ANKS1B: variants seen among roughly 807,000 people sequenced by gnomAD.
ANKS1B encodes ankyrin repeat and sterile alpha motif domain-containing protein 1B.
In ANKS1B, 36 loss-of-function variants were observed where a neutral mutation model predicts 148.3. The ratio of observed to expected loss-of-function variants is 0.24; its 90% confidence interval spans 0.19 to 0.32. ANKS1B has a LOEUF of 0.32. ANKS1B is among the 10% of genes least tolerant of loss of function. ANKS1B has a pLI of 1.00. For missense variants in ANKS1B, 1,157 were observed against 1,542.6 expected (o/e 0.75, Z 4.19); for synonymous variants, 542 against 560.8 (o/e 0.97, Z 0.47).
At chr12:99,565,483 CA>C (rs2097380443) in intron 9 of ANKS1B, among the ~76,000 whole-genome samples, 1 of 152,134 alleles carries the variant, frequency 6.6e-6, no homozygotes. Flanking sequence ...AAAGGAGTCA[CA>C]GGGGTCACTG....
At chr12:98,760,079 A>T (rs1319260949) in intron 25 of ANKS1B, among the ~76,000 whole-genome samples, 16 of 152,270 alleles carry the variant, frequency 1.1e-4, no homozygotes, top group Admixed American at 1.0e-3. Flanking sequence ...ATATATGCAT[A>T]GAAAATAGCA....
At chr12:99,591,845 C>T (rs1176630983) in intron 9 of ANKS1B, among the ~76,000 whole-genome samples, 4 of 152,072 alleles carry the variant, frequency 2.6e-5, no homozygotes, top group East Asian at 3.9e-4. Flanking sequence ...GAGTCTTGCC[C>T]CTCTACATAA....
intron 17 of ANKS1B, among the ~76,000 whole-genome samples, chr12:98,948,819 C>T (rs2099849417): frequency 6.6e-6 from 1 of 150,502 alleles, no homozygotes; most frequent in African/African-American, 2.5e-5. Flanking sequence ...AAGCAACAGG[C>T]TCAAGAGCAC....
chr12:99,703,064 C>G (rs1457527480), intron 8 of ANKS1B, among the ~76,000 whole-genome samples: 1 of 152,042 alleles, frequency 6.6e-6, no homozygotes, highest in Non-Finnish European at 1.5e-5. Flanking sequence ...TGTTTCTCCA[C>G]AAGGCAAGAA....
At chr12:99,330,135 A>G (rs977836462) in intron 12 of ANKS1B, among the ~76,000 whole-genome samples, 1 of 151,996 alleles carries the variant, frequency 6.6e-6, no homozygotes, top group Non-Finnish European at 1.5e-5. Context: ...TAAGAGAATT[A>G]AAAGTAATTA....
At chr12:99,351,961 T>C (rs2091469324) in intron 12 of ANKS1B, 1 of 152,064 alleles carries the variant, frequency 6.6e-6, no homozygotes, top group Admixed American at 6.6e-5. Flanking sequence ...TTATTGAACA[T>C]AGGAGAAAGC....
chr12:99,778,026 G>A (rs1358257076), intron 6 of ANKS1B, among the ~76,000 whole-genome samples: 4 of 151,686 alleles, frequency 2.6e-5, no homozygotes, highest in East Asian at 2.0e-4. Context: ...GTGAAACTCC[G>A]TCTCTACTAA....
At position 98,892,350 on chromosome 12, in the gene ANKS1B, A is replaced by C. The variant is rs543148496; in HGVS notation, c.2779-60214T>G. Reference sequence around the variant, plus strand: ...TGCAATGAGAATGGCTTGATAACAAACTGGAAAACATCTGCCAACATTTAA... The same window carrying C: ...TGCAATGAGAATGGCTTGATAACAACCTGGAAAACATCTGCCAACATTTAA... On this transcript the variant is annotated intron_variant, in intron 17 of 26. Transcript: ENST00000683438. 2.0e-5 allele frequency among the ~76,000 whole-genome samples: 3 copies of C among 152,348 alleles called. No homozygotes were observed. The South Asian group carries it at 6.2e-4, about 32-fold the overall frequency.
At chr12:99,552,808 G>A (rs570836827) in intron 9 of ANKS1B, among the ~76,000 whole-genome samples, 5 of 152,242 alleles carry the variant, frequency 3.3e-5, no homozygotes, top group East Asian at 3.9e-4. Context: ...ACATGCTCAC[G>A]TATACTTTAA....
At chr12:99,767,180 T>C (rs533970528) in intron 8 of ANKS1B, among the ~76,000 whole-genome samples, 7 of 152,086 alleles carry the variant, frequency 4.6e-5, no homozygotes, top group African/African-American at 1.4e-4. Flanking sequence ...AAGGCTGACA[T>C]GTAATTAAAT....
chr12:99,494,550 G>A (rs1050788286), intron 10 of ANKS1B, among the ~76,000 whole-genome samples: 22 of 151,814 alleles, frequency 1.4e-4, no homozygotes, highest in Non-Finnish European at 1.9e-4. Context: ...TGGCTAACAC[G>A]GAGAAACCCC....
rs116125908 is a variant in ANKS1B at position 99,095,221 on chromosome 12, G to A, written c.2527-10198C>T. ...GACCCAGCAATTCTGTTTCTTGGTCGTGGCAGACATTGCTGGGAGGCTGAG... is the reference window on the plus strand; with the variant it reads ...GACCCAGCAATTCTGTTTCTTGGTCATGGCAGACATTGCTGGGAGGCTGAG... On this transcript the variant is annotated intron_variant, in intron 15 of 26. Coordinates refer to ENST00000683438, the MANE Select transcript of ANKS1B (RefSeq NM_001352186.2). Among the ~76,000 whole-genome samples, 861 of 152,308 alleles carry A rather than the reference G, an allele frequency of 5.7e-3. 13 individuals are homozygous for A. The highest frequency in any genetic ancestry group is 0.02 in the African/African-American group (831 of 41,572).
intron 1 of ANKS1B, among the ~76,000 whole-genome samples, chr12:99,955,984 A>G (rs2095316998): frequency 6.6e-6 from 1 of 152,148 alleles, no homozygotes; most frequent in African/African-American, 2.4e-5. Flanking sequence ...ATAAAAGTAC[A>G]TGGGATGAGG....
intron 1 of ANKS1B, among the ~76,000 whole-genome samples, chr12:99,971,565 G>A (rs764288811): frequency 2.0e-5 from 3 of 149,760 alleles, no homozygotes; most frequent in African/African-American, 4.9e-5. Flanking sequence ...CTAACTAGAG[G>A]TACCAAACAA....
chr12:99,284,816 C>A (rs948198764), intron 12 of ANKS1B, among the ~76,000 whole-genome samples: 6 of 152,082 alleles, frequency 3.9e-5, no homozygotes, highest in Non-Finnish European at 8.8e-5. Flanking sequence ...TGATCCGGCC[C>A]CTCCCTGCCC....
downstream of ANKS1B, among the ~76,000 whole-genome samples, chr12:98,742,210 G>A (rs116391345): frequency 3.2e-3 from 487 of 152,288 alleles, 4 homozygotes; most frequent in African/African-American, 0.011. Flanking sequence ...AAACCTCCGC[G>A]GCTGCAGTCG....
At chr12:98,886,557 A>G (rs1283556908) in intron 17 of ANKS1B, among the ~76,000 whole-genome samples, 1 of 152,224 alleles carries the variant, frequency 6.6e-6, no homozygotes, top group Middle Eastern at 3.2e-3. Context: ...ATGTAAGTAG[A>G]ATAAAAGGTG....
intron 11 of ANKS1B, among the ~76,000 whole-genome samples, chr12:99,405,254 C>G (rs1050492086): frequency 4.8e-5 from 7 of 145,252 alleles, no homozygotes; most frequent in African/African-American, 1.8e-4. Context: ...TAGTATAACA[C>G]TGTAATTGGG....
intron 9 of ANKS1B, among the ~76,000 whole-genome samples, chr12:99,635,410 T>A (rs2098223595): frequency 6.6e-6 from 1 of 152,196 alleles, no homozygotes; most frequent in South Asian, 2.1e-4. Flanking sequence ...CACAATGGAA[T>A]ATTATTCAGC....
Sources: gnomAD v4.1 joint callset for allele counts (sites outside exome capture counted in the v4.1 genomes callset) on GRCh38, gnomAD v4.1.1 for gene constraint, MANE v1.5 for transcripts, NCBI Gene and HGNC (gene_info 2026-07-23, HGNC 2026-07-21) for gene names.